MRAS: variants seen among roughly 807,000 people sequenced by gnomAD.
MRAS encodes the protein muscle RAS oncogene homolog, also known as ras-related protein M-Ras.
Under a neutral mutation model 20.9 loss-of-function variants are expected in MRAS, and 4 were observed. The ratio of observed to expected loss-of-function variants is 0.19; its 90% confidence interval spans 0.09 to 0.44. The LOEUF is 0.44. MRAS is among the 20% of genes least tolerant of loss of function. The pLI is 0.99. For synonymous variants in MRAS, 98 were observed against 102.9 expected (o/e 0.95, Z 0.29); for missense variants, 154 against 277.5 (o/e 0.56, Z 3.16).
At chr3:138,374,766 G>A (rs889903924) in intron 2 of MRAS, among the ~76,000 whole-genome samples, 1 of 152,150 alleles carries the variant, frequency 6.6e-6, no homozygotes, top group East Asian at 1.9e-4. Flanking sequence ...TTTCTAGTTT[G>A]CTGAGAGTTT....
intron 1 of MRAS, among the ~76,000 whole-genome samples, chr3:138,360,184 T>C (rs954554495): frequency 4.6e-5 from 7 of 152,208 alleles, no homozygotes; most frequent in African/African-American, 1.7e-4. Context: ...TTGTTCTTGA[T>C]TCCCTCTTGC....
At chr3:138,371,834 A>G (rs1408701048) in intron 1 of MRAS, among the ~76,000 whole-genome samples, 1 of 152,046 alleles carries the variant, frequency 6.6e-6, no homozygotes, top group Non-Finnish European at 1.5e-5. Context: ...CTTGGCTTCC[A>G]TCATGACCAC....
At chr3:138,387,623 C>A (rs1386772070) in intron 2 of MRAS, among the ~76,000 whole-genome samples, 2 of 152,188 alleles carry the variant, frequency 1.3e-5, no homozygotes, top group East Asian at 1.9e-4. Context: ...TAGGCCAGCG[C>A]TCCCAGTTGT....
At chr3:138,397,174 C>A (rs2055254012) in intron 2 of MRAS, 150 bp from the exon 3 acceptor site, 1 of 932,760 alleles carries the variant, frequency 1.1e-6, no homozygotes, top group Non-Finnish European at 1.6e-6. Flanking sequence ...CTTCGAGCAG[C>A]CCTAGAGAGA....
intron 2 of MRAS, among the ~76,000 whole-genome samples, chr3:138,387,933 G>A (rs1352280672): frequency 2.6e-5 from 4 of 152,116 alleles, no homozygotes; most frequent in South Asian, 2.1e-4. Context: ...CAGCATGAGC[G>A]ACCCCCAAAG....
At chr3:138,369,494 G>A (rs1341132212) in intron 1 of MRAS, among the ~76,000 whole-genome samples, 2 of 152,110 alleles carry the variant, frequency 1.3e-5, no homozygotes, top group African/African-American at 2.4e-5. Flanking sequence ...GCTGCGGCAC[G>A]GGTGTGGCTG....
intron 1 of MRAS, chr3:138,349,239 C>T (rs1254972507): frequency 1.3e-5 from 2 of 152,376 alleles, no homozygotes. Context: ...CCTTCACTGC[C>T]CCCGGAGGTT....
At chr3:138,389,598 G>C (rs1276192325) in intron 2 of MRAS, among the ~76,000 whole-genome samples, 1 of 144,712 alleles carries the variant, frequency 6.9e-6, no homozygotes, top group Non-Finnish European at 1.5e-5. Context: ...GCCAGACAGT[G>C]GTGGTTCTGG....
At chr3:138,365,625 C>CTGGTG (rs2054543538) in intron 1 of MRAS, among the ~76,000 whole-genome samples, 1 of 152,204 alleles carries the variant, frequency 6.6e-6, no homozygotes, top group African/African-American at 2.4e-5. Context: ...GATCTCCAGA[C>CTGGTG]ATCACCAGGC....
intron 2 of MRAS, among the ~76,000 whole-genome samples, chr3:138,382,866 T>G (rs945814927): frequency 1.3e-5 from 2 of 152,240 alleles, no homozygotes; most frequent in African/African-American, 4.8e-5. Context: ...AGAAGTCATG[T>G]GACCAGTTTG....
At chr3:138,371,882 A>T (rs2054681535) in intron 1 of MRAS, among the ~76,000 whole-genome samples, 1 of 152,074 alleles carries the variant, frequency 6.6e-6, no homozygotes, top group Non-Finnish European at 1.5e-5. Context: ...GAGTGCCTCC[A>T]GGAGGCTCCC....
At chr3:138,347,954 C>CG (rs1432206128), upstream of MRAS, 5 of 151,990 alleles carry the variant, frequency 3.3e-5, 1 homozygote, top group Admixed American at 2.6e-4. Context: ...ATTTTTTTAA[C>CG]GGGGGGAAAA....
At chr3:138,382,360 T>G (rs576640114) in intron 2 of MRAS, among the ~76,000 whole-genome samples, 12 of 152,350 alleles carry the variant, frequency 7.9e-5, no homozygotes, top group African/African-American at 2.6e-4. Context: ...CAGACTTTTC[T>G]TGAAGGCCTC....
chr3:138,358,212 C>T (rs548418304), intron 1 of MRAS, among the ~76,000 whole-genome samples: 5 of 152,214 alleles, frequency 3.3e-5, no homozygotes, highest in Admixed American at 2.6e-4. Flanking sequence ...TGGCATGTTC[C>T]TGTAGTAACA....
intron 1 of MRAS, among the ~76,000 whole-genome samples, chr3:138,356,909 A>C (rs1222986346): frequency 6.6e-6 from 1 of 151,982 alleles, no homozygotes; most frequent in Non-Finnish European, 1.5e-5. Context: ...CCCCCGTCCC[A>C]CCCACCGCAG....
At chr3:138,381,400 C>G (rs1373933718) in intron 2 of MRAS, among the ~76,000 whole-genome samples, 1 of 152,240 alleles carries the variant, frequency 6.6e-6, no homozygotes, top group African/African-American at 2.4e-5. Context: ...GGCTTCTTGA[C>G]TCTGCCGAGC....
At chr3:138,362,067 G>A (rs2054459684) in intron 1 of MRAS, among the ~76,000 whole-genome samples, 1 of 152,164 alleles carries the variant, frequency 6.6e-6, no homozygotes, top group South Asian at 2.1e-4. Context: ...GCTGGGCAGG[G>A]GGCACTGTGA....
intron 2 of MRAS, among the ~76,000 whole-genome samples, chr3:138,389,526 A>G (rs369927838): frequency 1.3e-5 from 2 of 148,274 alleles, no homozygotes; most frequent in East Asian, 2.0e-4. Flanking sequence ...GGCATTCTAG[A>G]TGGAAGTCAC....
At chr3:138,381,410 C>T (rs997627947) in intron 2 of MRAS, among the ~76,000 whole-genome samples, 1 of 152,226 alleles carries the variant, frequency 6.6e-6, no homozygotes, top group African/African-American at 2.4e-5. Flanking sequence ...CTCTGCCGAG[C>T]GTGTCCTCCA....
Sources: gnomAD v4.1 joint callset for allele counts (sites outside exome capture counted in the v4.1 genomes callset) on GRCh38, gnomAD v4.1.1 for gene constraint, MANE v1.5 for transcripts, NCBI Gene and HGNC (gene_info 2026-07-23, HGNC 2026-07-21) for gene names.